KCNH5: variants seen among roughly 807,000 people sequenced by gnomAD.
KCNH5 encodes the protein potassium voltage-gated channel subfamily H member 5.
Under a neutral mutation model 96.1 loss-of-function variants are expected in KCNH5, and 46 were observed. The observed-to-expected ratio is 0.48, with a 90% CI of 0.38 to 0.61. The LOEUF (loss-of-function observed/expected upper bound fraction) is 0.61. Ranked by LOEUF, KCNH5 falls within the 20% of genes least tolerant of loss-of-function variation. The probability of loss-of-function intolerance (pLI) is 0.00; values close to 1 mark genes in which losing one functional copy is unlikely to be tolerated. For synonymous variants in KCNH5, 439 were observed against 449.8 expected, an observed-to-expected ratio of 0.98 and a Z score of 0.30; for missense variants, 907 against 1,225.8, an observed-to-expected ratio of 0.74 and a Z score of 3.88.
rs369588078 is a variant in KCNH5 at position 62,707,882 on chromosome 14, C to T, written c.2593G>A (p.Asp865Asn). 7.4e-6 allele frequency: 12 copies of T among 1,614,044 alleles called. No homozygotes were observed. The highest frequency in any genetic ancestry group is 1.3e-5 in the African/African-American group (1 of 74,926). ...AGGTCACTTTTTGTAATTCCACTGT[C>T]ACAAGAATCTGTTTTTCTTAGTGGG... ...KNPLRKTDSCDSGITKSDLRL... is the reference protein window; with the variant it reads ...KNPLRKTDSCNSGITKSDLRL... The change falls in exon 11 of 11, where the codon GAC (aspartate) becomes AAC (asparagine). Residue 865 changes from aspartate (D) to asparagine (N), a missense_variant. Asp to Asn is a conservative substitution (Grantham distance 23). Transcript: ENST00000322893.
chr14:62,837,061 G>A (rs969969282), intron 8 of KCNH5, among the ~76,000 whole-genome samples: 1 of 152,134 alleles, frequency 6.6e-6, no homozygotes. Flanking sequence ...CAGGAACTCA[G>A]GAATATATAA....
intron 7 of KCNH5, among the ~76,000 whole-genome samples, chr14:62,903,949 C>A (rs551368604): frequency 6.6e-6 from 1 of 151,722 alleles, no homozygotes; most frequent in East Asian, 1.9e-4. Context: ...GGAGGTCACA[C>A]GCTATTTTCT....
At chr14:62,806,888 C>A (rs996044385) in intron 8 of KCNH5, among the ~76,000 whole-genome samples, 1 of 152,072 alleles carries the variant, frequency 6.6e-6, no homozygotes, top group Admixed American at 6.6e-5. Flanking sequence ...TTGCTGATGG[C>A]TGTGGGTGAC....
intron 10 of KCNH5, among the ~76,000 whole-genome samples, chr14:62,714,040 T>A (rs931327840): frequency 1.3e-5 from 2 of 152,240 alleles, no homozygotes; most frequent in East Asian, 3.9e-4. Context: ...CCCAGCCCTT[T>A]GGGAGGCCAA....
At chr14:62,946,706 AGTACATC>A (rs1889894056) in intron 7 of KCNH5, among the ~76,000 whole-genome samples, 1 of 152,158 alleles carries the variant, frequency 6.6e-6, no homozygotes, top group Admixed American at 6.6e-5. Context: ...GTTAAACAGT[AGTACATC>A]CTAACCATGA....
chr14:62,898,766 C>T (rs1888865470), intron 7 of KCNH5, among the ~76,000 whole-genome samples: 1 of 151,810 alleles, frequency 6.6e-6, no homozygotes, highest in Non-Finnish European at 1.5e-5. Flanking sequence ...GCTAGAGATA[C>T]AATAATGTAA....
At chr14:62,937,725 G>T (rs1041416073) in intron 7 of KCNH5, among the ~76,000 whole-genome samples, 2 of 152,176 alleles carry the variant, frequency 1.3e-5, no homozygotes, top group East Asian at 3.8e-4. Context: ...TGTTCACAAG[G>T]CTGTCTAGTT....
At chr14:62,804,383 C>T (rs1201328078) in intron 8 of KCNH5, among the ~76,000 whole-genome samples, 2 of 152,134 alleles carry the variant, frequency 1.3e-5, no homozygotes, top group African/African-American at 4.8e-5. Flanking sequence ...TGACTTTGGA[C>T]AATATATTAG....
intron 7 of KCNH5, among the ~76,000 whole-genome samples, chr14:62,930,814 C>T (rs1360176176): frequency 1.3e-5 from 2 of 152,094 alleles, no homozygotes; most frequent in South Asian, 2.1e-4. Context: ...ACTTCTAGTC[C>T]AATGAGTATA....
intron 10 of KCNH5, among the ~76,000 whole-genome samples, chr14:62,762,067 G>A (rs1566652341): frequency 6.6e-6 from 1 of 152,264 alleles, no homozygotes; most frequent in East Asian, 1.9e-4. Context: ...CACAACCCAT[G>A]GATATTCAGC....
intron 7 of KCNH5, among the ~76,000 whole-genome samples, chr14:62,898,924 CATAA>C (rs1230685204): frequency 1.3e-5 from 2 of 152,042 alleles, no homozygotes; most frequent in Non-Finnish European, 2.9e-5. Context: ...CCCAGGGAGA[CATAA>C]TTTTAAATTG....
chr14:62,717,927 T>G (rs66531558), intron 10 of KCNH5, among the ~76,000 whole-genome samples: 1 of 152,190 alleles, frequency 6.6e-6, no homozygotes, highest in East Asian at 1.9e-4. Flanking sequence ...CACCACGGAA[T>G]ACTATGCAGC....
chr14:62,863,765 T>C (rs1046503356), intron 7 of KCNH5, among the ~76,000 whole-genome samples: 4 of 152,186 alleles, frequency 2.6e-5, no homozygotes, highest in African/African-American at 7.2e-5. Flanking sequence ...GGCACCTTAA[T>C]ACAGTTGTAA....
intron 7 of KCNH5, among the ~76,000 whole-genome samples, chr14:62,860,476 G>A (rs554391992): frequency 4.6e-4 from 70 of 152,264 alleles, no homozygotes; most frequent in African/African-American, 1.6e-3. Flanking sequence ...GGGCAATATA[G>A]AAAAATCCCT....
In KCNH5 at chr14:62,936,760, G is replaced by A. The variant is rs188298314; in HGVS notation, c.1369+13373C>T. Among the ~76,000 whole-genome samples, 63 of 150,978 alleles carry A rather than the reference G, an allele frequency of 4.2e-4. 1 individual carries two copies. The highest frequency in any genetic ancestry group is 3.5e-3 in the Middle Eastern group (1 of 288). ...TGGGCGGCCAAGGCAGGCAGATCAC[G>A]AGGTCAGGAGTTCAAGACCTGCCTG... On this transcript the variant is annotated intron_variant, in intron 7 of 10. Coordinates refer to ENST00000322893, the MANE Select transcript of KCNH5 (RefSeq NM_139318.5).
At chr14:62,918,651 T>C (rs1889322052) in intron 7 of KCNH5, among the ~76,000 whole-genome samples, 1 of 152,000 alleles carries the variant, frequency 6.6e-6, no homozygotes, top group Admixed American at 6.6e-5. Context: ...TCACTGAATA[T>C]CCAAAATAAA....
At position 62,735,633 on chromosome 14, in the gene KCNH5, C is replaced by T. The variant is rs115781240; in HGVS notation, c.2020-27178G>A. Among the ~76,000 whole-genome samples, 460 of 152,214 alleles carry T rather than the reference C, an allele frequency of 3.0e-3. 1 individual carries two copies. The highest frequency in any genetic ancestry group is 0.01 in the African/African-American group (432 of 41,532). ...CATCCACAATCCATCCACTTCTCAC[C>T]GATACCACTCTGGCCAATGCCACTG... On this transcript the variant is annotated intron_variant, in intron 10 of 10. Coordinates refer to ENST00000322893, the MANE Select transcript of KCNH5 (RefSeq NM_139318.5).
At chr14:62,884,757 G>A (rs992625403) in intron 7 of KCNH5, among the ~76,000 whole-genome samples, 1 of 152,180 alleles carries the variant, frequency 6.6e-6, no homozygotes, top group Non-Finnish European at 1.5e-5. Flanking sequence ...GGAGTAAAAG[G>A]TTAGATGATA....
At chr14:62,735,322 C>T (rs1885134257) in intron 10 of KCNH5, among the ~76,000 whole-genome samples, 1 of 152,094 alleles carries the variant, frequency 6.6e-6, no homozygotes, top group African/African-American at 2.4e-5. Flanking sequence ...GATAGTAGCC[C>T]TGGTTATAGG....
Sources: allele counts gnomAD v4.1 joint callset (sites outside exome capture counted in the v4.1 genomes callset), GRCh38; gene constraint gnomAD v4.1.1; transcripts MANE v1.5; gene names NCBI Gene and HGNC (gene_info 2026-07-23, HGNC 2026-07-21).